The following ALG8 variants were observed in gnomAD, a reference collection of about 807,000 sequenced individuals.
ALG8 encodes ALG8 alpha-1,3-glucosyltransferase.
In ALG8, 48 loss-of-function variants were observed where a neutral mutation model predicts 70.2. The observed-to-expected ratio is 0.68, with a 90% CI of 0.54 to 0.87. The LOEUF (loss-of-function observed/expected upper bound fraction) is 0.87, where lower values mean the gene tolerates loss of function less well. Among genes scored for constraint, ALG8 ranks in the 40% least tolerant of loss-of-function variants. The pLI is 0.00. For synonymous variants in ALG8, 234 were observed against 229.0 expected, an observed-to-expected ratio of 1.02 and a Z score of -0.20; for missense variants, 572 against 608.7, an observed-to-expected ratio of 0.94 and a Z score of 0.64.
chr11:78,135,823 G>A (rs551142309), intron 1 of ALG8, among the ~76,000 whole-genome samples: 142 of 151,094 alleles, frequency 9.4e-4, no homozygotes, highest in African/African-American at 3.4e-3. Context: ...ACTCCAGCAT[G>A]GGAGACAGAG....
chr11:78,113,731 A>T (rs1203004889), intron 7 of ALG8, among the ~76,000 whole-genome samples, 155 bp downstream of exon 7: 2 of 148,912 alleles, frequency 1.3e-5, no homozygotes, highest in African/African-American at 5.0e-5. Context: ...ACAAAAAAAA[A>T]AAAGGAATAC....
In ALG8 at chr11:78,101,171, C is replaced by T. The variant is rs1272213807; in HGVS notation, c.1374G>A (p.Trp458Ter). Residue 458 changes from tryptophan (W) to a stop codon, truncating the protein, a stop_gained, in exon 13 of 13, where the codon TGG (tryptophan) becomes TGA (stop). Transcript: ENST00000299626. LOFTEE classifies it high-confidence loss of function. ...GGCCAAGCAGGTAGAAAGTTTCCATCCAATTAAAAAGAGGTTTTTCTTTTC... is the reference window on the plus strand; with the variant it reads ...GGCCAAGCAGGTAGAAAGTTTCCATTCAATTAAAAAGAGGTTTTTCTTTTC... ...LFRKEKPLFN[W>*]METFYLLGLG... 33 of 1,613,960 alleles carry T rather than the reference C, an allele frequency of 2.0e-5. No homozygotes were observed. The highest frequency in any genetic ancestry group is 2.7e-5 in the Non-Finnish European group (32 of 1,179,936).
intron 1 of ALG8, chr11:78,138,750 A>G (rs1207849417): frequency 2.2e-6 from 1 of 456,226 alleles, no homozygotes; most frequent in East Asian, 6.9e-5. Context: ...CTTGGTTTCC[A>G]CGCTTTCAGT....
chr11:78,111,183 T>C (rs138396838), intron 8 of ALG8, among the ~76,000 whole-genome samples: 95 of 152,286 alleles, frequency 6.2e-4, no homozygotes, highest in African/African-American at 2.3e-3. Flanking sequence ...GCGTCTACCA[T>C]GTGCCCAGGG....
chr11:78,103,704 T>G (rs539922991), intron 12 of ALG8, among the ~76,000 whole-genome samples: 2 of 152,232 alleles, frequency 1.3e-5, no homozygotes. Context: ...AATAGTTTTA[T>G]TCATAAAGCA....
At chr11:78,123,331 A>G (rs1197517989) in intron 3 of ALG8, among the ~76,000 whole-genome samples, 1 of 94,042 alleles carries the variant, frequency 1.1e-5, no homozygotes, top group Non-Finnish European at 2.1e-5. Flanking sequence ...AAAAAAAAAA[A>G]AAAAAGAAAA....
chr11:78,119,709 G>A (rs553948562), intron 4 of ALG8, among the ~76,000 whole-genome samples: 20 of 152,102 alleles, frequency 1.3e-4, no homozygotes, highest in South Asian at 2.1e-4. Context: ...GATTACAGGC[G>A]TCAGCCACTG....
intron 8 of ALG8, among the ~76,000 whole-genome samples, chr11:78,111,494 C>G (rs1237377628): frequency 6.6e-6 from 1 of 152,250 alleles, no homozygotes; most frequent in Non-Finnish European, 1.5e-5. Flanking sequence ...ACCAAGTCAT[C>G]AGACTCTAGG....
chr11:78,127,467 G>T, intron 1 of ALG8, 31 bp from the exon 2 acceptor site: 3 of 1,577,000 alleles, frequency 1.9e-6, no homozygotes, highest in South Asian at 1.1e-5. Context: ...AATAAAATGA[G>T]ATTTTGCAAT....
chr11:78,102,044 A>C (rs1329328193), intron 12 of ALG8, among the ~76,000 whole-genome samples: 3 of 152,178 alleles, frequency 2.0e-5, no homozygotes, highest in Non-Finnish European at 4.4e-5. Context: ...GTTTCACCAG[A>C]TTTTTAAAAT....
chr11:78,103,870 T>C, intron 12 of ALG8, 110 bp downstream of exon 12: 1 of 601,782 alleles, frequency 1.7e-6, no homozygotes, highest in South Asian at 2.1e-5. Flanking sequence ...TTTTGTAATG[T>C]TGTCATATTA....
chr11:78,113,261 T>C (rs765915215), intron 7 of ALG8, among the ~76,000 whole-genome samples: 1 of 152,208 alleles, frequency 6.6e-6, no homozygotes, highest in Non-Finnish European at 1.5e-5. Flanking sequence ...TTATTGATTT[T>C]GTTACAAATA....
At chr11:78,138,766 C>T (rs1488358043) in intron 1 of ALG8, 4 of 456,182 alleles carry the variant, frequency 8.8e-6, no homozygotes, top group Non-Finnish European at 1.3e-5. Flanking sequence ...TCAGTCTTGG[C>T]CCTACATCCA....
chr11:78,124,216 T>C lies in ALG8; in HGVS notation c.175-2A>G. On this transcript the variant is annotated splice_acceptor_variant, in intron 2 of 12. Coordinates refer to ENST00000299626, the MANE Select transcript of ALG8 (RefSeq NM_024079.5). LOFTEE classifies it high-confidence loss of function. ...ATCCAACGTCCACTCTGAAGTTGCC[T>C]GTGATAAAAATAGAAGATCAGACAT... 1 of 1,614,012 alleles carries C rather than the reference T, an allele frequency of 6.2e-7. No homozygotes were observed. The highest frequency in any genetic ancestry group is 8.5e-7 in the Non-Finnish European group (1 of 1,179,880).
intron 4 of ALG8, 120 bp downstream of exon 4, chr11:78,120,945 C>T: frequency 1.1e-6 from 1 of 935,152 alleles, no homozygotes. Flanking sequence ...CCTACTAACC[C>T]ACCCCACACT....
rs1174378754 is a variant in ALG8 at position 78,130,348 on chromosome 11, C to CAAAAAAAAAAAAA, written c.96-2925_96-2913dup. On this transcript the variant is annotated intron_variant, in intron 1 of 12. Transcript: ENST00000299626. ...TGGGAGACAGAGCAAGACCCGGTCT[C>CAAAAAAAAAAAAA]AAAAAAAAAAAAAAAAAAAGGTGAG... Among the ~76,000 whole-genome samples, 20 of 49,128 alleles carry CAAAAAAAAAAAAA rather than the reference C, an allele frequency of 4.1e-4. 1 individual carries two copies. Among genetic ancestry groups the CAAAAAAAAAAAAA allele is most frequent in the African/African-American group, 1.8e-3 (15 of 8,516 alleles). 32.2% of individuals were successfully genotyped at this position (49,128 alleles called of 152,430 possible). A position where few individuals can be genotyped will look rare whatever the true frequency, so the allele number is the denominator to read the frequency against.
At chr11:78,121,287 C>A in intron 3 of ALG8, 113 bp from the exon 4 acceptor site, 13 of 625,136 alleles carry the variant, frequency 2.1e-5, no homozygotes, top group Non-Finnish European at 3.3e-5. Context: ...ACATGCCATT[C>A]TTTTTTTTTT....
At chr11:78,111,520 C>T (rs2850311) in intron 8 of ALG8, among the ~76,000 whole-genome samples, 33,059 of 152,162 alleles carry the variant, frequency 0.22, 4,427 homozygotes, top group African/African-American at 0.38. Context: ...AGTCCACAAA[C>T]TATAGGCCAA....
At chr11:78,104,144 A>G (rs1859917482) in intron 11 of ALG8, 92 bp from the exon 12 acceptor site, 2 of 910,556 alleles carry the variant, frequency 2.2e-6, no homozygotes, top group Non-Finnish European at 3.4e-6. Context: ...ACACAGCTAT[A>G]TAGTGCTAAT....
Sources: gnomAD v4.1 joint callset for allele counts (sites outside exome capture counted in the v4.1 genomes callset) on GRCh38, gnomAD v4.1.1 for gene constraint, MANE v1.5 for transcripts, NCBI Gene and HGNC (gene_info 2026-07-23, HGNC 2026-07-21) for gene names.